The following TBX22 variants were observed in gnomAD, a reference collection of about 807,000 sequenced individuals.
TBX22 encodes T-box transcription factor TBX22.
Under a neutral mutation model 30.1 loss-of-function variants are expected in TBX22, and 8 were observed. The ratio of observed to expected loss-of-function variants is 0.27; its 90% CI spans 0.16 to 0.48. The LOEUF (loss-of-function observed/expected upper bound fraction) is 0.48. TBX22 is among the 20% of genes least tolerant of loss of function. TBX22 has a pLI of 0.99. For synonymous variants in TBX22, 173 were observed against 149.1 expected (o/e 1.16, Z -1.17); for missense variants, 463 against 400.5 (o/e 1.16, Z -1.33).
rs1312689916 is a variant in TBX22, at chrX:80,026,684, A to G, written c.634-20A>G. On this transcript the variant is annotated intron_variant, in intron 5 of 8. Coordinates refer to ENST00000373296, the MANE Select transcript of TBX22 (RefSeq NM_001109878.2). ...GACTGAAGCCAGTTTTTCTAACAGC[A>G]TTGATCATTTCTCCTCCAGATCATT... 1 of 1,210,641 alleles carries G rather than the reference A, an allele frequency of 8.3e-7. No homozygotes were observed. The highest frequency in any genetic ancestry group is 2.2e-5 in the Admixed American group (1 of 46,064).
Position 80,023,096 on chromosome X carries a change from C to T in TBX22, c.212C>T (p.Ser71Phe). Residue 71 changes from serine to phenylalanine, a missense_variant, in exon 3 of 9, where the codon TCC becomes TTC. By Grantham distance (155) the Ser-to-Phe change is radical. Coordinates refer to ENST00000373296, the MANE Select transcript of TBX22 (RefSeq NM_001109878.2). ...AAGACAGAGCCCTCAACATCTGCTT[C>T]CTCTGGCTGCGGCAGCGACAGCGGC... ...QPKTEPSTSA[S>F]SGCGSDSGYG... The T allele has an allele frequency of 1.7e-6, 2 of 1,211,885 alleles. No individual in the cohort carries two copies. The highest frequency in any genetic ancestry group is 2.2e-6 in the Non-Finnish European group (2 of 895,521).
intron 5 of TBX22, 72 bp downstream of exon 5, chrX:80,025,849 G>GCCTCT: frequency 2.0e-6 from 2 of 979,326 alleles, no homozygotes; most frequent in Non-Finnish European, 2.8e-6. Flanking sequence ...CCCTGGAGAG[G>GCCTCT]CCAGGGAGGC....
rs749383653 is a variant in TBX22, at chrX:80,031,438, C to G, written c.*327C>G. On this transcript the variant is annotated 3_prime_UTR_variant, in exon 9 of 9. Coordinates refer to ENST00000373296, the MANE Select transcript of TBX22 (RefSeq NM_001109878.2). ...CAATTATACTGAAGCTAGTTCACCACGTTAACTGCATTTTACACATTGACA... is the reference window on the plus strand; with the variant it reads ...CAATTATACTGAAGCTAGTTCACCAGGTTAACTGCATTTTACACATTGACA... 2 of 200,104 alleles carry G rather than the reference C, an allele frequency of 1.0e-5. No individual in the cohort carries two copies. Among genetic ancestry groups the G allele is most frequent in the East Asian group, 2.0e-4 (2 of 9,949 alleles). 16.5% of individuals were successfully genotyped at this position (200,104 alleles called of 1,213,427 possible).
Position 80,025,491 on chromosome X carries a change from T to C in TBX22, c.459-112T>C, listed in dbSNP as rs1211512985. On this transcript the variant is annotated intron_variant, in intron 4 of 8. Coordinates refer to ENST00000373296, the MANE Select transcript of TBX22 (RefSeq NM_001109878.2). Reference sequence around the variant, plus strand: ...TAGAAATTAAGTTGAGTCTTCTCCTTACTTGCCCTTGGGATCACTGGGCTA... The same window carrying C: ...TAGAAATTAAGTTGAGTCTTCTCCTCACTTGCCCTTGGGATCACTGGGCTA... The C allele has an allele frequency of 9.8e-6, 6 of 612,352 alleles. No homozygotes were observed. In the African/African-American group the frequency reaches 1.3e-4, roughly 13 times the overall value. The allele number at this position is 612,352 out of a possible 1,213,427, so 50.5% of individuals were successfully genotyped here. A position where few individuals can be genotyped will look rare whatever the true frequency, so the allele number is the denominator to read the frequency against.
chrX:80,024,283 G>A, intron 4 of TBX22, 119 bp downstream of exon 4: 4 of 631,976 alleles, frequency 6.3e-6, no homozygotes, highest in Non-Finnish European at 2.6e-6. Context: ...GGGAGTGGGG[G>A]ATTGCTCTCC....
chrX:80,021,636 C>T (rs1308398566), intron 1 of TBX22, among the ~76,000 whole-genome samples: 1 of 112,381 alleles, frequency 8.9e-6, no homozygotes, highest in Non-Finnish European at 1.9e-5. Flanking sequence ...CCTCTCTCTA[C>T]TTCCCTATCT....
intron 1 of TBX22, among the ~76,000 whole-genome samples, chrX:80,016,325 G>A (rs183397474): frequency 0.057 from 6,407 of 111,635 alleles, 340 homozygotes; most frequent in East Asian, 0.46. Flanking sequence ...TTTCTTAACA[G>A]AAGGATCTGC....
chrX:80,020,940 A>C (rs1923661607), intron 1 of TBX22, among the ~76,000 whole-genome samples: 1 of 111,936 alleles, frequency 8.9e-6, no homozygotes, highest in Admixed American at 9.5e-5. Context: ...AACCTGCAAA[A>C]GAATCCAGGG....
At position 80,026,778 on chromosome X, in the gene TBX22, C is replaced by A. The variant is rs1569299402; in HGVS notation, c.708C>A (p.Ser236=). 1 of 1,209,005 alleles carries A rather than the reference C, an allele frequency of 8.3e-7. No individual in the cohort carries two copies. Among genetic ancestry groups the A allele is most frequent in the Non-Finnish European group, 1.1e-6 (1 of 894,388 alleles). ...VIEQGSSVDL[S]QIQSLPTEGV... is the part of the protein sequence containing the mutation. ...AGCAAGGCAGCAGTGTTGACCTGTCCCAGATTCAGTCCTTGCCCACTGAAG... is the reference window on the plus strand; with the variant it reads ...AGCAAGGCAGCAGTGTTGACCTGTCACAGATTCAGTCCTTGCCCACTGAAG... Residue 236 remains serine, a synonymous_variant, in exon 6 of 9, where the codon TCC becomes TCA. Transcript: ENST00000373296.
rs1924220580 is a variant in TBX22, at chrX:80,030,880, A to G, written c.1332A>G (p.Leu444=). ...CACCTAATTCTACCAATCAAATGTT[A>G]TATGGATTACAGTCACCTGGAAATA... is the stretch of plus-strand genomic sequence containing the variant. ...LQAPNSTNQM[L]YGLQSPGNIF... Residue 444 remains leucine (L), a synonymous_variant, in exon 9 of 9, where the codon TTA becomes TTG. Coordinates refer to ENST00000373296, the MANE Select transcript of TBX22 (RefSeq NM_001109878.2). 1 of 1,211,915 alleles carries G rather than the reference A, an allele frequency of 8.3e-7. No individual in the cohort carries two copies. Among genetic ancestry groups the G allele is most frequent in the Non-Finnish European group, 1.1e-6 (1 of 895,415 alleles).
intron 1 of TBX22, 142 bp from the exon 2 acceptor site, chrX:80,022,126 G>C: frequency 1.8e-6 from 1 of 547,083 alleles, no homozygotes; most frequent in Non-Finnish European, 2.9e-6. Context: ...TTTTGGGTTT[G>C]GGGTTTTGTT....
At chrX:80,027,343 CT>C in intron 7 of TBX22, 23 bp downstream of exon 7, 2 of 785,376 alleles carry the variant, frequency 2.5e-6, no homozygotes, top group Non-Finnish European at 3.8e-6. Context: ...GCAATGACAT[CT>C]AATATTGATG....
Position 80,026,755 on chromosome X carries a change from C to A in TBX22, c.685C>A (p.Gln229Lys). Reference sequence around the variant, plus strand: ...CAAACCCCGAGTGCACGTGATAGAGCAAGGCAGCAGTGTTGACCTGTCCCA... The same window carrying A: ...CAAACCCCGAGTGCACGTGATAGAGAAAGGCAGCAGTGTTGACCTGTCCCA... Reference protein sequence around the residue: ...KYKPRVHVIEQGSSVDLSQIQ... With the variant: ...KYKPRVHVIEKGSSVDLSQIQ... The change falls in exon 6 of 9, where the codon CAA becomes AAA. Residue 229 changes from glutamine to lysine, a missense_variant. By Grantham distance (53) the Gln-to-Lys change is moderately conservative (BLOSUM62 1). Transcript: ENST00000373296. 3 of 1,211,114 alleles carry A rather than the reference C, an allele frequency of 2.5e-6. No individual in the cohort carries two copies. The highest frequency in any genetic ancestry group is 3.4e-6 in the Non-Finnish European group (3 of 894,858).
Position 80,026,806 on chromosome X carries a change from G to T in TBX22, c.736G>T (p.Val246Phe). ...GATTCAGTCCTTGCCCACTGAAGGTGTTAAAACATTCTCCTTTAAAGAAAC... is the reference window on the plus strand; with the variant it reads ...GATTCAGTCCTTGCCCACTGAAGGTTTTAAAACATTCTCCTTTAAAGAAAC... ...SQIQSLPTEGVKTFSFKETEF... is the reference protein window; with the variant it reads ...SQIQSLPTEGFKTFSFKETEF... Residue 246 changes from valine to phenylalanine, a missense_variant, in exon 6 of 9, where the codon GTT (valine) becomes TTT (phenylalanine). By Grantham distance (50) the Val-to-Phe change is conservative. Transcript: ENST00000373296. 8.3e-7 allele frequency: 1 copy of T among 1,211,553 alleles called. No individual in the cohort carries two copies. Among genetic ancestry groups the T allele is most frequent in the Non-Finnish European group, 1.1e-6 (1 of 895,327 alleles).
chrX:80,023,107 G>C lies in TBX22; in HGVS notation c.223G>C (p.Gly75Arg). 1 of 1,211,814 alleles carries C rather than the reference G, an allele frequency of 8.3e-7. No homozygotes were observed. The highest frequency in any genetic ancestry group is 1.1e-6 in the Non-Finnish European group (1 of 895,483). ...CTCAACATCTGCTTCCTCTGGCTGCGGCAGCGACAGCGGCTACGGCAACAG... is the reference window on the plus strand; with the variant it reads ...CTCAACATCTGCTTCCTCTGGCTGCCGCAGCGACAGCGGCTACGGCAACAG... ...EPSTSASSGCGSDSGYGNSSE... is the reference protein window; with the variant it reads ...EPSTSASSGCRSDSGYGNSSE... Residue 75 changes from glycine (G) to arginine (R), a missense_variant, in exon 3 of 9, where the codon GGC (glycine) becomes CGC (arginine). Coordinates refer to ENST00000373296, the MANE Select transcript of TBX22 (RefSeq NM_001109878.2).
In TBX22 at chrX:80,023,124, C is replaced by T. The variant is rs145373371; in HGVS notation, c.240C>T (p.Tyr80=). 275 of 1,209,866 alleles carry T rather than the reference C, an allele frequency of 2.3e-4. No individual in the cohort carries two copies. The South Asian group carries it at 2.5e-3, about 11-fold the overall frequency. The change falls in exon 3 of 9, where the codon TAC becomes TAT. Residue 80 remains tyrosine (Y), a synonymous_variant. Coordinates refer to ENST00000373296, the MANE Select transcript of TBX22 (RefSeq NM_001109878.2). Reference sequence around the variant, plus strand: ...CTGGCTGCGGCAGCGACAGCGGCTACGGCAACAGCTCTGAAAGTCTGGAAG... The same window carrying T: ...CTGGCTGCGGCAGCGACAGCGGCTATGGCAACAGCTCTGAAAGTCTGGAAG... ...ASSGCGSDSG[Y]GNSSESLEEK... is the part of the protein sequence containing the mutation.
At chrX:80,016,734 G>A (rs987132759) in intron 1 of TBX22, among the ~76,000 whole-genome samples, 1 of 111,230 alleles carries the variant, frequency 9.0e-6, no homozygotes. Context: ...TGCCAGGTGC[G>A]GTGGCTCAAG....
In TBX22 at chrX:80,025,654, G is replaced by A. The variant is rs761492404; in HGVS notation, c.510G>A (p.Leu170=). ...TGGTAGCTGGGAATACAGACCATTT[G>A]TGCATCATTCCTAGATTCTATGTTC... ...QWMVAGNTDH[L]CIIPRFYVHP... is the part of the protein sequence containing the mutation. Residue 170 remains leucine (L), a synonymous_variant, in exon 5 of 9, where the codon TTG becomes TTA. Transcript: ENST00000373296. 2.5e-6 allele frequency: 3 copies of A among 1,207,706 alleles called. No individual in the cohort carries two copies. Among genetic ancestry groups the A allele is most frequent in the Admixed American group, 2.2e-5 (1 of 45,768 alleles).
chrX:80,030,676 T>C lies in TBX22; in HGVS notation c.1128T>C (p.Cys376=), dbSNP rs1480411364. 8.3e-7 allele frequency: 1 copy of C among 1,211,824 alleles called. No individual in the cohort carries two copies. Among genetic ancestry groups the C allele is most frequent in the Non-Finnish European group, 1.1e-6 (1 of 895,470 alleles). The change falls in exon 9 of 9, where the codon TGT becomes TGC. Residue 376 remains cysteine (C), a synonymous_variant. Coordinates refer to ENST00000373296, the MANE Select transcript of TBX22 (RefSeq NM_001109878.2). ...NVNLPLCYKI[C]PTNFWQQQPL... ...ACCTGCCTCTATGCTACAAGATTTG[T>C]CCAACTAATTTTTGGCAACAGCAAC...
Sources: allele counts gnomAD v4.1 joint callset (sites outside exome capture counted in the v4.1 genomes callset), GRCh38; gene constraint gnomAD v4.1.1; transcripts MANE v1.5; gene names NCBI Gene and HGNC (gene_info 2026-07-23, HGNC 2026-07-21).